The following NTRK2 variants were observed in gnomAD, a reference collection of about 807,000 sequenced individuals.
NTRK2 encodes the protein BDNF/NT-3 growth factors receptor.
In NTRK2, 13 loss-of-function variants were observed where a neutral mutation model predicts 94.5. That is an observed-to-expected ratio of 0.14 (90% CI 0.09 to 0.22). NTRK2 has a LOEUF of 0.22. Among genes scored for constraint, NTRK2 ranks in the 10% least tolerant of loss-of-function variants. The pLI, the probability that NTRK2 is intolerant of heterozygous loss-of-function variation, is 1.00. For missense variants in NTRK2, 639 were observed against 1,071.2 expected (o/e 0.60, Z 5.63); for synonymous variants, 372 against 407.4 (o/e 0.91, Z 1.05).
At chr9:84,981,643 G>A (rs1241876510) in intron 17 of NTRK2, among the ~76,000 whole-genome samples, 1 of 152,014 alleles carries the variant, frequency 6.6e-6, no homozygotes, top group Non-Finnish European at 1.5e-5. Flanking sequence ...CAGTTGAAAA[G>A]GTATGATACT....
chr9:84,678,460 A>G (rs1213565649), intron 2 of NTRK2, among the ~76,000 whole-genome samples: 2 of 152,246 alleles, frequency 1.3e-5, no homozygotes, highest in Admixed American at 6.5e-5. Flanking sequence ...GATCTTCTCA[A>G]CGCTAATCTT....
chr9:84,869,178 G>A (rs1401102237), intron 14 of NTRK2, among the ~76,000 whole-genome samples: 1 of 152,136 alleles, frequency 6.6e-6, no homozygotes, highest in African/African-American at 2.4e-5. Flanking sequence ...TCCTTAATCT[G>A]GAGTCTGTGG....
At chr9:84,779,961 C>G (rs1311424609) in intron 12 of NTRK2, among the ~76,000 whole-genome samples, 2 of 152,146 alleles carry the variant, frequency 1.3e-5, no homozygotes, top group Non-Finnish European at 2.9e-5. Context: ...CATTAACAAC[C>G]CACACCACTA....
At chr9:84,804,151 C>T (rs2070827046) in intron 12 of NTRK2, among the ~76,000 whole-genome samples, 1 of 152,162 alleles carries the variant, frequency 6.6e-6, no homozygotes, top group South Asian at 2.1e-4. Context: ...CTAGGGTCAG[C>T]TTAAACTTGG....
At chr9:84,838,137 C>G (rs12552641) in intron 12 of NTRK2, among the ~76,000 whole-genome samples, 4,476 of 152,126 alleles carry the variant, frequency 0.029, 122 homozygotes, top group East Asian at 0.11. Context: ...AGTGGCTTTC[C>G]CATATGTTAG....
chr9:84,916,623 C>T (rs1445304312), intron 14 of NTRK2, among the ~76,000 whole-genome samples: 1 of 152,172 alleles, frequency 6.6e-6, no homozygotes, highest in African/African-American at 2.4e-5. Flanking sequence ...CCATTAGGAG[C>T]AGGCCTAAGG....
At chr9:84,676,954 TGTGTGA>T (rs1458475944) in intron 2 of NTRK2, among the ~76,000 whole-genome samples, 2 of 64,942 alleles carry the variant, frequency 3.1e-5, no homozygotes, top group African/African-American at 8.2e-5. Context: ...TAGCTTACTG[TGTGTGA>T]GTGTGTGTGT....
chr9:84,931,744 C>T (rs966767081), intron 14 of NTRK2, among the ~76,000 whole-genome samples: 7 of 134,974 alleles, frequency 5.2e-5, no homozygotes, highest in African/African-American at 1.1e-4. Flanking sequence ...AAAAAACCAA[C>T]GTTAAATACT....
intron 17 of NTRK2, among the ~76,000 whole-genome samples, chr9:84,969,371 CCA>C (rs2133119849): frequency 6.6e-6 from 1 of 152,352 alleles, no homozygotes; most frequent in South Asian, 2.1e-4. Context: ...GTGGCGTAAG[CCA>C]CACACATTGC....
At chr9:84,802,995 G>C (rs1246886670) in intron 12 of NTRK2, among the ~76,000 whole-genome samples, 3 of 152,080 alleles carry the variant, frequency 2.0e-5, no homozygotes, top group African/African-American at 4.8e-5. Context: ...TGCCTCCCAG[G>C]ATCTGATCTA....
chr9:84,810,494 G>T (rs2071655279), intron 12 of NTRK2: 1 of 1,544,740 alleles, frequency 6.5e-7, no homozygotes, highest in Admixed American at 1.7e-5. Flanking sequence ...AATTTTCATT[G>T]ATTTTTCTTT....
chr9:84,938,463 C>T (rs906277187), intron 15 of NTRK2, among the ~76,000 whole-genome samples: 1 of 152,176 alleles, frequency 6.6e-6, no homozygotes, highest in Non-Finnish European at 1.5e-5. Flanking sequence ...GTTTGCTCCT[C>T]CATCTAGGTC....
intron 14 of NTRK2, among the ~76,000 whole-genome samples, chr9:84,918,451 G>A (rs1019337515): frequency 1.3e-5 from 2 of 152,162 alleles, no homozygotes; most frequent in Non-Finnish European, 1.5e-5. Flanking sequence ...TTAGATGCAG[G>A]GATTCACATA....
intron 14 of NTRK2, among the ~76,000 whole-genome samples, chr9:84,929,261 T>C (rs2077933526): frequency 6.6e-6 from 1 of 152,172 alleles, no homozygotes; most frequent in South Asian, 2.1e-4. Context: ...TTTTCAGGAC[T>C]CTAATGTGAT....
At chr9:84,706,448 T>A (rs1285725945) in intron 4 of NTRK2, among the ~76,000 whole-genome samples, 3 of 151,812 alleles carry the variant, frequency 2.0e-5, no homozygotes, top group Non-Finnish European at 4.4e-5. Context: ...TTCCTTGGGC[T>A]GACGGCAAAG....
intron 15 of NTRK2, among the ~76,000 whole-genome samples, chr9:84,941,371 G>T (rs1055301786): frequency 9.2e-5 from 14 of 152,158 alleles, no homozygotes; most frequent in Admixed American, 5.2e-4. Flanking sequence ...TTGGGTCAGG[G>T]ATCTGTTTTT....
At chr9:84,956,450 G>A (rs563002492) in intron 17 of NTRK2, among the ~76,000 whole-genome samples, 1 of 152,322 alleles carries the variant, frequency 6.6e-6, no homozygotes, top group Non-Finnish European at 1.5e-5. Context: ...TGTTGAAGTT[G>A]TGATATTTAG....
intron 17 of NTRK2, among the ~76,000 whole-genome samples, chr9:85,019,256 G>C (rs1055450588): frequency 3.3e-5 from 5 of 152,184 alleles, no homozygotes; most frequent in African/African-American, 9.7e-5. Context: ...ATTTTCTGCT[G>C]TAGGATAAGC....
rs561806546 is a variant in NTRK2 at position 84,936,860 on chromosome 9, A to AT, written c.1764+2580dup. On this transcript the variant is annotated intron_variant, in intron 15 of 18. Coordinates refer to ENST00000277120, the MANE Select transcript of NTRK2 (RefSeq NM_006180.6). ...CTCATGTCAGTGACCTTACATGTGA[A>AT]TTTTTTTTTTTTAAATGAGAGGTTT... Among the ~76,000 whole-genome samples the AT allele has an allele frequency of 1.4e-3, 214 of 147,664 alleles. 1 individual carries two copies. The highest frequency in any genetic ancestry group is 3.3e-3 in the African/African-American group (134 of 40,448).
Sources: allele counts gnomAD v4.1 joint callset (sites outside exome capture counted in the v4.1 genomes callset), GRCh38; gene constraint gnomAD v4.1.1; transcripts MANE v1.5; gene names NCBI Gene and HGNC (gene_info 2026-07-23, HGNC 2026-07-21).